Variants in NPR3 observed in about 807,000 individuals in gnomAD.
The protein encoded by NPR3 is natriuretic peptide receptor 3.
Under a neutral mutation model 54.5 loss-of-function variants are expected in NPR3, and 34 were observed. The observed-to-expected ratio is 0.62, with a 90% confidence interval of 0.47 to 0.83. The LOEUF is 0.83. Among genes scored for constraint, NPR3 ranks in the 40% least tolerant of loss-of-function variants. The pLI is 0.00. For synonymous variants in NPR3, 289 were observed against 297.1 expected (o/e 0.97, Z 0.28); for missense variants, 674 against 720.8 (o/e 0.94, Z 0.74).
chr5:32,756,332 T>G (rs1740838575), intron 3 of NPR3, among the ~76,000 whole-genome samples: 1 of 152,252 alleles, frequency 6.6e-6, no homozygotes, highest in South Asian at 2.1e-4. Flanking sequence ...GTGGTTTTGA[T>G]TTGCATTTCT....
intron 5 of NPR3, among the ~76,000 whole-genome samples, 176 bp from the exon 6 acceptor site, chr5:32,782,717 C>T (rs1439994571): frequency 6.6e-6 from 1 of 152,188 alleles, no homozygotes; most frequent in Non-Finnish European, 1.5e-5. Flanking sequence ...GCCCAATGTA[C>T]CACGCTTTTC....
intron 3 of NPR3, among the ~76,000 whole-genome samples, chr5:32,757,739 G>A (rs1336801490): frequency 6.6e-6 from 1 of 152,174 alleles, no homozygotes; most frequent in Non-Finnish European, 1.5e-5. Flanking sequence ...CTGTGGGTTT[G>A]TCATAAATAG....
chr5:32,748,107 T>C (rs1394750915), intron 3 of NPR3, among the ~76,000 whole-genome samples: 1 of 152,198 alleles, frequency 6.6e-6, no homozygotes, highest in Non-Finnish European at 1.5e-5. Flanking sequence ...TAGTCTTACA[T>C]TTAATTGACA....
rs969206323 is a variant in NPR3, at chr5:32,724,717, C to T, written c.789C>T (p.Ser263=). The T allele has an allele frequency of 1.2e-5, 19 of 1,613,834 alleles. No individual in the cohort carries two copies. The Admixed American group carries it at 2.3e-4, about 20-fold the overall frequency. ...CCCTAGTGGTGATCATGTGTGCGAGCAGTGACACCATCCGGAGCATCATGC... is the reference window on the plus strand; with the variant it reads ...CCCTAGTGGTGATCATGTGTGCGAGTAGTGACACCATCCGGAGCATCATGC... The part of the protein sequence containing the change: ...ASERVVIMCA[S]SDTIRSIMLV... The change falls in exon 2 of 8, where the codon AGC becomes AGT. Residue 263 remains serine (S), a synonymous_variant. Coordinates refer to ENST00000265074, the MANE Select transcript of NPR3 (RefSeq NM_001204375.2).
In NPR3 at chr5:32,789,482, A is replaced by AT. The variant is rs1742797243; in HGVS notation, c.*3137_*3138insT. ...TCTTGAACCACAGGAATGGTTCTAC[A>AT]GACCCTACTATAATTCTTCACATTT... On this transcript the variant is annotated 3_prime_UTR_variant, in exon 8 of 8. Transcript: ENST00000265074. 1 of 534,642 alleles carries AT rather than the reference A, an allele frequency of 1.9e-6. No individual in the cohort carries two copies. Among genetic ancestry groups the AT allele is most frequent in the Admixed American group, 1.9e-5 (1 of 51,574 alleles). 33.1% of individuals were successfully genotyped at this position (534,642 alleles called of 1,614,324 possible). A position where few individuals can be genotyped will look rare whatever the true frequency, so the allele number is the denominator to read the frequency against.
chr5:32,751,161 A>T (rs944676162), intron 3 of NPR3, among the ~76,000 whole-genome samples: 9 of 151,804 alleles, frequency 5.9e-5, no homozygotes, highest in African/African-American at 2.2e-4. Context: ...TACATAAAAA[A>T]TAATTGGAGA....
chr5:32,785,375 T>C (rs1742565816), intron 7 of NPR3, among the ~76,000 whole-genome samples: 1 of 152,086 alleles, frequency 6.6e-6, no homozygotes, highest in African/African-American at 2.4e-5. Flanking sequence ...GGTCTTGAAC[T>C]CCTGACCTCC....
intron 4 of NPR3, among the ~76,000 whole-genome samples, chr5:32,777,358 T>C (rs1473262364): frequency 6.6e-6 from 1 of 152,250 alleles, no homozygotes; most frequent in East Asian, 1.9e-4. Context: ...AGTAACCTTG[T>C]CCTCTGAGCT....
At chr5:32,713,098 C>A in intron 1 of NPR3, 3 of 852,398 alleles carry the variant, frequency 3.5e-6, no homozygotes, top group Non-Finnish European at 4.2e-6. Context: ...ACTCACTCTT[C>A]TCATTCCTTT....
intron 1 of NPR3, among the ~76,000 whole-genome samples, chr5:32,701,026 G>A (rs1417674520): frequency 5.9e-5 from 9 of 152,166 alleles, no homozygotes; most frequent in African/African-American, 1.4e-4. Flanking sequence ...GTGTAAAAAT[G>A]TTCCTCTTTC....
intron 1 of NPR3, among the ~76,000 whole-genome samples, chr5:32,697,107 G>A (rs1740550744): frequency 6.6e-6 from 1 of 152,168 alleles, no homozygotes; most frequent in African/African-American, 2.4e-5. Flanking sequence ...GATACTAGCT[G>A]TGGGTTTGTC....
intron 1 of NPR3, among the ~76,000 whole-genome samples, chr5:32,694,141 A>G (rs1014165730): frequency 8.5e-5 from 13 of 152,184 alleles, no homozygotes; most frequent in African/African-American, 2.9e-4. Context: ...CCCATTATGT[A>G]AGAGAAAGAA....
intron 2 of NPR3, among the ~76,000 whole-genome samples, chr5:32,729,610 T>C (rs899816751): frequency 6.6e-6 from 1 of 152,212 alleles, no homozygotes; most frequent in African/African-American, 2.4e-5. Flanking sequence ...ACTACACACC[T>C]ATGCTACATG....
chr5:32,699,216 C>T (rs1277564171), intron 1 of NPR3, among the ~76,000 whole-genome samples: 1 of 152,164 alleles, frequency 6.6e-6, no homozygotes, highest in Non-Finnish European at 1.5e-5. Flanking sequence ...GGCAACTTAA[C>T]ACTGATTGCA....
intron 3 of NPR3, among the ~76,000 whole-genome samples, chr5:32,745,966 A>G (rs1266162729): frequency 1.3e-5 from 2 of 152,190 alleles, no homozygotes; most frequent in African/African-American, 4.8e-5. Context: ...GCAGGTACAT[A>G]AATATCCATG....
rs148504408 is a variant in NPR3 at position 32,713,423 on chromosome 5, G to C, written c.769+878G>C. On this transcript the variant is annotated intron_variant, in intron 1 of 7. Transcript: ENST00000265074. The stretch of plus-strand genomic sequence containing the variant: ...GACGCGGACGTGTAATCGCCAGTGT[G>C]GCCCATTTTACGGTAGGGTAGAATC... The C allele has an allele frequency of 5.8e-4, 568 of 985,450 alleles. 3 individuals carry two copies. In the African/African-American group the frequency reaches 9.2e-3, roughly 16 times the overall value. 61.0% of individuals were successfully genotyped at this position (985,450 alleles called of 1,614,324 possible). A position where few individuals can be genotyped will look rare whatever the true frequency, so the allele number is the denominator to read the frequency against.
chr5:32,774,427 T>C (rs1741931004), intron 3 of NPR3, among the ~76,000 whole-genome samples: 2 of 152,154 alleles, frequency 1.3e-5, no homozygotes, highest in African/African-American at 4.8e-5. Flanking sequence ...AAAGGGACCA[T>C]TGGCAAAGGT....
intron 2 of NPR3, among the ~76,000 whole-genome samples, chr5:32,728,626 C>G (rs1739255218): frequency 6.6e-6 from 1 of 151,480 alleles, no homozygotes; most frequent in Non-Finnish European, 1.5e-5. Flanking sequence ...AAGAAAACAG[C>G]TCAACTCTGT....
At chr5:32,779,344 T>G (rs1425879301) in intron 4 of NPR3, among the ~76,000 whole-genome samples, 1 of 152,228 alleles carries the variant, frequency 6.6e-6, no homozygotes, top group East Asian at 1.9e-4. Context: ...GATGTACGCA[T>G]TCTCTTATTT....
Sources: allele counts gnomAD v4.1 joint callset (sites outside exome capture counted in the v4.1 genomes callset), GRCh38; gene constraint gnomAD v4.1.1; transcripts MANE v1.5; gene names NCBI Gene and HGNC (gene_info 2026-07-23, HGNC 2026-07-21).